Variants in PRKAG2 observed in about 807,000 individuals in gnomAD.
PRKAG2 encodes 5'-AMP-activated protein kinase subunit gamma-2.
Under a neutral mutation model 69.6 loss-of-function variants are expected in PRKAG2, and 26 were observed. The observed-to-expected ratio is 0.37, with a 90% CI of 0.27 to 0.52. PRKAG2 has a LOEUF of 0.52. Among genes scored for constraint, PRKAG2 ranks in the 20% least tolerant of loss-of-function variants. The pLI is 0.90. For synonymous variants in PRKAG2, 293 were observed against 285.0 expected, an observed-to-expected ratio of 1.03 and a Z score of -0.28; for missense variants, 557 against 740.0, an observed-to-expected ratio of 0.75 and a Z score of 2.87.
rs550318155 is a variant in PRKAG2 at position 151,781,873 on chromosome 7, G to T, written c.187-442C>A. Among the ~76,000 whole-genome samples, 1 of 152,312 alleles carries T rather than the reference G, an allele frequency of 6.6e-6. No individual in the cohort carries two copies. Among genetic ancestry groups the T allele is most frequent in the Non-Finnish European group, 1.5e-5 (1 of 68,026 alleles). ...CTATGTTCCAGAACAGAGCGGGCCT[G>T]GAGCTCCATCCTGAGACCTCAGTCC... On this transcript the variant is annotated intron_variant, in intron 2 of 15. Transcript: ENST00000287878. This position sits in a 1 kb window ranked among gnomAD's most constrained non-coding sequence, Gnocchi z 6.1.
At chr7:151,742,697 C>T (rs761189097) in intron 3 of PRKAG2, among the ~76,000 whole-genome samples, 5 of 152,024 alleles carry the variant, frequency 3.3e-5, no homozygotes, top group East Asian at 3.9e-4. Flanking sequence ...ACAGACCAGA[C>T]GAGTCAGGAG....
In PRKAG2 at chr7:151,833,572, C is replaced by T. The variant is rs528912101; in HGVS notation, c.114+42935G>A. On this transcript the variant is annotated intron_variant, in intron 1 of 15. Coordinates refer to ENST00000287878, the MANE Select transcript of PRKAG2 (RefSeq NM_016203.4). ...AGCGGGGCGGCAGGAGTGTCTGTCT[C>T]GGCTCTTAAGCCGATGGACGCTCCA... Among the ~76,000 whole-genome samples, 8 of 152,274 alleles carry T rather than the reference C, an allele frequency of 5.3e-5. No individual in the cohort carries two copies. In the South Asian group the frequency reaches 1.2e-3, roughly 24 times the overall value.
intron 5 of PRKAG2, among the ~76,000 whole-genome samples, chr7:151,610,232 G>A (rs1449700828): frequency 6.6e-6 from 1 of 152,114 alleles, no homozygotes; most frequent in African/African-American, 2.4e-5. Flanking sequence ...ATCCGGGCAT[G>A]GTGGCGGGTG....
intron 3 of PRKAG2, among the ~76,000 whole-genome samples, chr7:151,766,815 G>A (rs1017594151): frequency 1.9e-4 from 29 of 152,188 alleles, no homozygotes; most frequent in Admixed American, 1.6e-3. Context: ...AACTCTGTCC[G>A]TACCTACGGC....
At position 151,699,648 on chromosome 7, in the gene PRKAG2, C is replaced by T. The variant is rs1237936525; in HGVS notation, c.467-24011G>A. Among the ~76,000 whole-genome samples, 1 of 152,148 alleles carries T rather than the reference C, an allele frequency of 6.6e-6. No individual in the cohort carries two copies. The highest frequency in any genetic ancestry group is 2.4e-5 in the African/African-American group (1 of 41,420). ...GAACTGGAAGTGGGATATGCAGTGC[C>T]TGGGCTTGGGGTAACAGAACCCAGC... On this transcript the variant is annotated intron_variant, in intron 3 of 15. Coordinates refer to ENST00000287878, the MANE Select transcript of PRKAG2 (RefSeq NM_016203.4). This position sits in a 1 kb window ranked among gnomAD's most constrained non-coding sequence, Gnocchi z 4.5.
chr7:151,835,641 C>T lies in PRKAG2; in HGVS notation c.114+40866G>A, dbSNP rs2079129420. On this transcript the variant is annotated intron_variant, in intron 1 of 15. Coordinates refer to ENST00000287878, the MANE Select transcript of PRKAG2 (RefSeq NM_016203.4). This position sits in a 1 kb window ranked among gnomAD's most constrained non-coding sequence, Gnocchi z 4.1. ...CACTCTCGTTGTGGTTTTAAATTGTCATCACTTGCCAGATAAGGAGAGGTT... is the reference window on the plus strand; with the variant it reads ...CACTCTCGTTGTGGTTTTAAATTGTTATCACTTGCCAGATAAGGAGAGGTT... 6.6e-6 allele frequency among the ~76,000 whole-genome samples: 1 copy of T among 152,208 alleles called. No homozygotes were observed. The highest frequency in any genetic ancestry group is 2.4e-5 in the African/African-American group (1 of 41,442).
chr7:151,764,845 T>G (rs1029881933), intron 3 of PRKAG2, among the ~76,000 whole-genome samples: 2 of 152,210 alleles, frequency 1.3e-5, no homozygotes, highest in African/African-American at 4.8e-5. Context: ...CTTCCCCATC[T>G]GTGAAGCATG....
chr7:151,716,583 T>G (rs780057228), intron 3 of PRKAG2, among the ~76,000 whole-genome samples: 149 of 152,064 alleles, frequency 9.8e-4, no homozygotes, highest in Non-Finnish European at 1.6e-3. Flanking sequence ...ACTTAACAGG[T>G]GCATAATAAT....
chr7:151,562,490 C>T (rs540151613), intron 14 of PRKAG2, among the ~76,000 whole-genome samples: 74 of 146,810 alleles, frequency 5.0e-4, no homozygotes, highest in Admixed American at 3.3e-3. Flanking sequence ...ATAATAATGG[C>T]TTGGTCATCT....
intron 4 of PRKAG2, among the ~76,000 whole-genome samples, chr7:151,661,577 TAA>T (rs1160412904): frequency 2.0e-5 from 3 of 152,172 alleles, no homozygotes; most frequent in African/African-American, 7.2e-5. Context: ...TTTAAAAAAA[TAA>T]AATATACCTC....
intron 4 of PRKAG2, among the ~76,000 whole-genome samples, chr7:151,634,332 C>A (rs1394719795): frequency 2.0e-5 from 3 of 152,166 alleles, no homozygotes; most frequent in African/African-American, 7.2e-5. Flanking sequence ...CAAAAATTAG[C>A]TCACATTGGA....
intron 12 of PRKAG2, 101 bp downstream of exon 12, chr7:151,565,619 G>A (rs751773986): frequency 7.5e-5 from 112 of 1,493,640 alleles, no homozygotes; most frequent in Non-Finnish European, 9.6e-5. Flanking sequence ...CCATACCCAA[G>A]TTTTCATTTT....
intron 1 of PRKAG2, among the ~76,000 whole-genome samples, chr7:151,848,438 C>A (rs978301406): frequency 6.9e-6 from 1 of 145,674 alleles, no homozygotes; most frequent in Non-Finnish European, 1.5e-5. Context: ...AAATAAATTT[C>A]TATTCTTCAG....
chr7:151,663,624 C>T (rs569524833), intron 4 of PRKAG2, among the ~76,000 whole-genome samples: 46 of 152,272 alleles, frequency 3.0e-4, no homozygotes, highest in African/African-American at 8.2e-4. Context: ...CCTCCTAGAC[C>T]GCTGGGATTA....
At position 151,865,105 on chromosome 7, in the gene PRKAG2, T is replaced by C. The variant is rs113011370; in HGVS notation, c.114+11402A>G. Among the ~76,000 whole-genome samples the C allele has an allele frequency of 9.8e-3, 1,488 of 152,366 alleles. 29 individuals are homozygous for C. The highest frequency in any genetic ancestry group is 0.031 in the African/African-American group (1,282 of 41,586). Reference sequence around the variant, plus strand: ...GGCCCCTGTGCACATGACCTTGCTTTCCATCCACAGGCAGAGTCTGTCCCT... The same window carrying C: ...GGCCCCTGTGCACATGACCTTGCTTCCCATCCACAGGCAGAGTCTGTCCCT... On this transcript the variant is annotated intron_variant, in intron 1 of 15. Coordinates refer to ENST00000287878, the MANE Select transcript of PRKAG2 (RefSeq NM_016203.4).
intron 8 of PRKAG2, 27 bp from the exon 9 acceptor site, chr7:151,572,736 A>T: frequency 7.6e-7 from 1 of 1,315,132 alleles, no homozygotes; most frequent in Non-Finnish European, 1.1e-6. Context: ...TCTTATTTAT[A>T]AATATACATA....
intron 3 of PRKAG2, among the ~76,000 whole-genome samples, chr7:151,704,993 G>A (rs1430882213): frequency 2.0e-5 from 3 of 152,346 alleles, no homozygotes; most frequent in East Asian, 3.9e-4. Context: ...AGCCATGAAC[G>A]AAATGAGGTT....
At chr7:151,675,273 C>T in intron 4 of PRKAG2, 147 bp downstream of exon 4, 1 of 840,946 alleles carries the variant, frequency 1.2e-6, no homozygotes, top group Non-Finnish European at 2.0e-6. Flanking sequence ...CTCCCTCAGC[C>T]TGTGATTTAT....
chr7:151,876,413 G>A (rs891823913), intron 1 of PRKAG2, 94 bp downstream of exon 1: 10 of 1,268,310 alleles, frequency 7.9e-6, no homozygotes, highest in Admixed American at 5.1e-5. Flanking sequence ...GGGCACGCAC[G>A]GCGCGCGCGG....
Sources: allele counts gnomAD v4.1 joint callset (sites outside exome capture counted in the v4.1 genomes callset), GRCh38; gene constraint gnomAD v4.1.1; non-coding constraint Gnocchi (gnomAD v3.1); transcripts MANE v1.5; gene names NCBI Gene and HGNC (gene_info 2026-07-23, HGNC 2026-07-21).